The following MYH3 variants were observed in gnomAD, a reference collection of about 807,000 sequenced individuals.
The protein encoded by MYH3 is myosin-3.
Under a neutral mutation model 238.0 loss-of-function variants are expected in MYH3, and 130 were observed. The observed-to-expected ratio is 0.55, with a 90% confidence interval of 0.47 to 0.63. The LOEUF is 0.63. Ranked by LOEUF, MYH3 falls within the 30% of genes least tolerant of loss-of-function variation. The pLI, the probability that MYH3 is intolerant of heterozygous loss-of-function variation, is 0.00. For missense variants in MYH3, 1,853 were observed against 2,374.9 expected (o/e 0.78, Z 4.57); for synonymous variants, 880 against 924.1 (o/e 0.95, Z 0.86).
the MYH3 span, among the ~76,000 whole-genome samples, chr17:10,669,295 G>A: frequency 5.4e-3 from 821 of 152,280 alleles, 8 homozygotes; most frequent in African/African-American, 0.019. Context: ...GCTCACACCT[G>A]TAATCCCAGA....
chr17:10,663,814 G>C, the MYH3 span, among the ~76,000 whole-genome samples: 1 of 152,116 alleles, frequency 6.6e-6, no homozygotes, highest in Non-Finnish European at 1.5e-5. Flanking sequence ...TGTAATCCCA[G>C]CACTTTGGGA....
Position 10,632,734 on chromosome 17 carries a change from C to T in MYH3, c.4698G>A (p.Leu1566=), listed in dbSNP as rs1046749467. ...TATCAATTTCTGATTTCACTTGTGTCAATTCAAGCTGGATTCGGAGGATCT... is the reference window on the plus strand; with the variant it reads ...TATCAATTTCTGATTTCACTTGTGTTAATTCAAGCTGGATTCGGAGGATCT... ...EAKILRIQLE[L]TQVKSEIDRK... is the part of the protein sequence containing the mutation. The change falls in exon 34 of 41, where the codon TTG becomes TTA. Residue 1566 remains leucine, a synonymous_variant. Coordinates refer to ENST00000583535, the MANE Select transcript of MYH3 (RefSeq NM_002470.4). 6.2e-7 allele frequency: 1 copy of T among 1,614,204 alleles called. No individual in the cohort carries two copies. Among genetic ancestry groups the T allele is most frequent in the Non-Finnish European group, 8.5e-7 (1 of 1,180,016 alleles).
chr17:10,668,395 C>CT, the MYH3 span, among the ~76,000 whole-genome samples: 1 of 152,178 alleles, frequency 6.6e-6, no homozygotes, highest in Non-Finnish European at 1.5e-5. Context: ...ACTCTTCTAT[C>CT]TATCTACCTA....
chr17:10,633,966 G>A (rs373814637), intron 32 of MYH3, 51 bp downstream of exon 32: 12 of 1,591,632 alleles, frequency 7.5e-6, no homozygotes, highest in Admixed American at 3.3e-5. Context: ...GCATGCTCTC[G>A]AGCAATAGAG....
intron 37 of MYH3, 30 bp from the exon 38 acceptor site, chr17:10,630,226 G>A: frequency 3.1e-6 from 5 of 1,614,056 alleles, no homozygotes; most frequent in Non-Finnish European, 4.2e-6. Flanking sequence ...AATTAGTCTG[G>A]GGCTGCAGCG....
At position 10,645,957 on chromosome 17, in the gene MYH3, T is replaced by C. The variant is rs762272961; in HGVS notation, c.974A>G (p.Asp325Gly). ...TGTAGCCAGCAGCTCCTCTGCATCA[T>C]CTATGCTGGCCACCAGGATCTCCCC... ...SQGEILVASI[D>G]DAEELLATDS... The change falls in exon 11 of 41, where the codon GAT becomes GGT. Residue 325 changes from aspartate to glycine, a missense_variant. Physicochemically the swap from Asp to Gly is moderately conservative, Grantham distance 94 (BLOSUM62 -1). Around this residue, in one of 3 missense-constraint regions of MYH3, gnomAD observed 678 missense variants for 1,058.9 expected, o/e 0.64. Transcript: ENST00000583535. The C allele has an allele frequency of 6.2e-7, 1 of 1,614,008 alleles. No individual in the cohort carries two copies. Among genetic ancestry groups the C allele is most frequent in the Non-Finnish European group, 8.5e-7 (1 of 1,179,994 alleles).
chr17:10,654,687 A>C lies in MYH3; in HGVS notation c.204+174T>G, dbSNP rs2074411486. On this transcript the variant is annotated intron_variant, in intron 3 of 40. Transcript: ENST00000583535. The surrounding 1 kb of genome is among the most constrained non-coding windows in gnomAD (Gnocchi z 4.5). ...TATTCCCACCCTGGAACCTGAGGCCAGTATTCACTCTGCTTTCTCTGAGGA... is the reference window on the plus strand; with the variant it reads ...TATTCCCACCCTGGAACCTGAGGCCCGTATTCACTCTGCTTTCTCTGAGGA... Among the ~76,000 whole-genome samples, 1 of 152,194 alleles carries C rather than the reference A, an allele frequency of 6.6e-6. No homozygotes were observed. The highest frequency in any genetic ancestry group is 6.5e-5 in the Admixed American group (1 of 15,280).
rs535930727 is a variant in MYH3, at chr17:10,640,666, C to T, written c.2186G>A (p.Ser729Asn). ...FKQRYRVLNA[S>N]AIPEGQFIDS... ...AATGAATTGTCCCTCAGGGATTGCA[C>T]TGGCATTCAGCACTCGGTATCTGCA... The change falls in exon 20 of 41, where the codon AGT becomes AAT. Residue 729 changes from serine (S) to asparagine (N), a missense_variant. Ser to Asn is a conservative substitution (Grantham distance 46, BLOSUM62 1). Coordinates refer to ENST00000583535, the MANE Select transcript of MYH3 (RefSeq NM_002470.4). 18 of 1,614,226 alleles carry T rather than the reference C, an allele frequency of 1.1e-5. No individual in the cohort carries two copies. In the Admixed American group the frequency reaches 2.2e-4, roughly 19 times the overall value.
intron 33 of MYH3, among the ~76,000 whole-genome samples, 172 bp from the exon 34 acceptor site, chr17:10,632,956 A>G (rs1330702263): frequency 6.6e-6 from 1 of 152,224 alleles, no homozygotes; most frequent in Non-Finnish European, 1.5e-5. Context: ...TCACACCTGT[A>G]ATCCCAGCAC....
rs1326527154 is a variant in MYH3 at position 10,648,649 on chromosome 17, C to T, written c.643G>A (p.Gly215Arg). ...CTGATGATTTGATCTTCCAGAGTCC[C>T]CTAATGCAAGAAATTGAGGGAAGAA... is the stretch of plus-strand genomic sequence containing the variant. The part of the protein sequence containing the change: ...LAKKKDSKMK[G>R]TLEDQIISAN... The change falls in exon 8 of 41, where the codon GGG (glycine) becomes AGG (arginine). Residue 215 changes from glycine to arginine, a missense_variant and splice_region_variant. Transcript: ENST00000583535. The T allele has an allele frequency of 1.9e-6, 3 of 1,612,356 alleles. No homozygotes were observed. The African/African-American group carries it at 4.0e-5, about 22-fold the overall frequency.
At chr17:10,663,544 G>T in the MYH3 span, among the ~76,000 whole-genome samples, 1 of 151,948 alleles carries the variant, frequency 6.6e-6, no homozygotes, top group African/African-American at 2.4e-5. Flanking sequence ...GGAAATGAAG[G>T]CTTCTGGAAA....
the MYH3 span, among the ~76,000 whole-genome samples, chr17:10,663,223 G>A: frequency 3.3e-5 from 5 of 152,170 alleles, no homozygotes; most frequent in Admixed American, 1.3e-4. Flanking sequence ...CTCTGTCTTC[G>A]AGAAGGCGTT....
chr17:10,651,006 G>C (rs2074368320), intron 5 of MYH3, among the ~76,000 whole-genome samples: 1 of 152,034 alleles, frequency 6.6e-6, no homozygotes, highest in Non-Finnish European at 1.5e-5. Flanking sequence ...GGCCAACAAA[G>C]TGACCCCTGT....
Position 10,634,016 on chromosome 17 carries a change from C to T in MYH3, c.4522+1G>A, listed in dbSNP as rs145236739. 5 of 1,613,652 alleles carry T rather than the reference C, an allele frequency of 3.1e-6. No homozygotes were observed. Among genetic ancestry groups the T allele is most frequent in the African/African-American group, 1.3e-5 (1 of 74,922 alleles). ...GTTTCAGAGGGTTTCGAATAGCTTA[C>T]GCTCTAAGTTCTTATTTTCCCGTTT... On this transcript the variant is annotated splice_donor_variant, in intron 32 of 40. Transcript: ENST00000583535. LOFTEE classifies it high-confidence loss of function.
At position 10,632,015 on chromosome 17, in the gene MYH3, T is replaced by A; in HGVS notation, c.4958A>T (p.Asp1653Val). 1 of 1,613,276 alleles carries A rather than the reference T, an allele frequency of 6.2e-7. No individual in the cohort carries two copies. Among genetic ancestry groups the A allele is most frequent in the Non-Finnish European group, 8.5e-7 (1 of 1,180,028 alleles). ...GGCATCATCCAGGTGGAGCTGCGTA[T>A]CCTAGCCAGAGAAAAACGAACATTC... Reference protein sequence around the residue: ...HLRSVQGQLKDTQLHLDDALR... With the variant: ...HLRSVQGQLKVTQLHLDDALR... The change falls in exon 35 of 41, where the codon GAT becomes GTT. Residue 1653 changes from aspartate to valine, a missense_variant and splice_region_variant. Asp to Val is a radical substitution (Grantham distance 152). Around this residue, in one of 3 missense-constraint regions of MYH3, gnomAD observed 1,044 missense variants for 1,192.6 expected, o/e 0.88. Coordinates refer to ENST00000583535, the MANE Select transcript of MYH3 (RefSeq NM_002470.4).
Position 10,634,072 on chromosome 17 carries a change from G to C in MYH3, c.4467C>G (p.Tyr1489Ter), listed in dbSNP as rs370816135. 6.2e-7 allele frequency: 1 copy of C among 1,613,994 alleles called. No individual in the cohort carries two copies. The highest frequency in any genetic ancestry group is 1.7e-5 in the Admixed American group (1 of 59,990). Reference sequence around the variant, plus strand: ...TTTCAAGTTGATCTAAGGCTTCCTCGTAGGCATTTTTCAGTTTGAAGAGCT... The same window carrying C: ...TTTCAAGTTGATCTAAGGCTTCCTCCTAGGCATTTTTCAGTTTGAAGAGCT... ...STELFKLKNAYEEALDQLETV... is the reference protein window; with the variant it reads ...STELFKLKNA The change falls in exon 32 of 41, where the codon TAC becomes TAG. Residue 1489 changes from tyrosine to a stop codon, truncating the protein, a stop_gained. Transcript: ENST00000583535. LOFTEE classifies it high-confidence loss of function.
At chr17:10,641,641 A>C (rs188467390) in intron 17 of MYH3, among the ~76,000 whole-genome samples, 10 of 151,484 alleles carry the variant, frequency 6.6e-5, no homozygotes, top group Non-Finnish European at 1.3e-4. Context: ...CAGCCTCCTG[A>C]GTAGCTGGGA....
At chr17:10,632,171 G>T (rs1424515923) in intron 34 of MYH3, among the ~76,000 whole-genome samples, 155 bp from the exon 35 acceptor site, 1 of 152,192 alleles carries the variant, frequency 6.6e-6, no homozygotes, top group Non-Finnish European at 1.5e-5. Flanking sequence ...ACCCAAGCTG[G>T]TGTGCAGTTG....
Position 10,630,115 on chromosome 17 carries a change from T to G in MYH3, c.5539A>C (p.Arg1847=). The part of the protein sequence containing the change: ...SVKGLRKYER[R]VKELTYQSEE... ...ACCTGGTACGTCAGCTCCTTGACCC[T>G]CCGCTCATACTTCCTCAGGCCCTTA... Residue 1847 remains arginine (R), a synonymous_variant, in exon 38 of 41, where the codon AGG becomes CGG. Transcript: ENST00000583535. 1 of 1,614,180 alleles carries G rather than the reference T, an allele frequency of 6.2e-7. No individual in the cohort carries two copies. Among genetic ancestry groups the G allele is most frequent in the Non-Finnish European group, 8.5e-7 (1 of 1,180,014 alleles).
Sources: allele counts gnomAD v4.1 joint callset (sites outside exome capture counted in the v4.1 genomes callset), GRCh38; gene constraint gnomAD v4.1.1; regional missense constraint gnomAD v4.1.1; non-coding constraint Gnocchi (gnomAD v3.1); transcripts MANE v1.5; gene names NCBI Gene and HGNC (gene_info 2026-07-23, HGNC 2026-07-21).